Variants in R3HDM2 observed in about 807,000 individuals in gnomAD.
R3HDM2 encodes the protein R3H domain-containing protein 2.
Under a neutral mutation model 124.5 loss-of-function variants are expected in R3HDM2, and 38 were observed. The ratio of observed to expected loss-of-function variants is 0.31; its 90% CI spans 0.24 to 0.40. The LOEUF is 0.40. R3HDM2 is among the 10% of genes least tolerant of loss of function. The pLI is 1.00. For synonymous variants in R3HDM2, 391 were observed against 448.0 expected (o/e 0.87, Z 1.61); for missense variants, 869 against 1,236.9 (o/e 0.70, Z 4.46).
At chr12:57,427,036 C>T (rs1031324733) in intron 1 of R3HDM2, among the ~76,000 whole-genome samples, 3 of 152,144 alleles carry the variant, frequency 2.0e-5, no homozygotes, top group African/African-American at 7.2e-5. Context: ...CTCACGCCTA[C>T]AATCCCAGCA....
intron 2 of R3HDM2, among the ~76,000 whole-genome samples, chr12:57,348,720 A>AAG (rs1228885034): frequency 2.4e-4 from 3 of 12,682 alleles, no homozygotes; most frequent in African/African-American, 5.7e-4. Flanking sequence ...AAAAAAAAAA[A>AAG]AGAGAGAGAA....
intron 2 of R3HDM2, among the ~76,000 whole-genome samples, chr12:57,315,340 C>A (rs115587937): frequency 0.018 from 2,679 of 152,164 alleles, 78 homozygotes; most frequent in African/African-American, 0.062. Context: ...TGCACCCAGC[C>A]TAATTTTTCT....
intron 2 of R3HDM2, among the ~76,000 whole-genome samples, chr12:57,368,565 A>G (rs561369995): frequency 1.3e-5 from 2 of 152,268 alleles, no homozygotes; most frequent in Non-Finnish European, 2.9e-5. Context: ...TTGGCCAATT[A>G]TATCTATGTG....
At chr12:57,300,036 A>T in intron 5 of R3HDM2, 59 bp downstream of exon 5, 1 of 1,277,292 alleles carries the variant, frequency 7.8e-7, no homozygotes, top group Non-Finnish European at 1.1e-6. Flanking sequence ...CTGCCATACT[A>T]CATCTTACCA....
At chr12:57,375,881 C>T (rs1249446591) in intron 2 of R3HDM2, among the ~76,000 whole-genome samples, 1 of 152,016 alleles carries the variant, frequency 6.6e-6, no homozygotes, top group Non-Finnish European at 1.5e-5. Context: ...ACTATGTTAG[C>T]CAGGATGGTC....
intron 2 of R3HDM2, among the ~76,000 whole-genome samples, chr12:57,333,669 A>C (rs2058485402): frequency 6.6e-6 from 1 of 151,972 alleles, no homozygotes; most frequent in East Asian, 1.9e-4. Flanking sequence ...CCTGGGTGAC[A>C]AGAGCGAAAC....
chr12:57,267,922 A>C (rs2042831300), intron 18 of R3HDM2, among the ~76,000 whole-genome samples: 1 of 152,260 alleles, frequency 6.6e-6, no homozygotes, highest in Non-Finnish European at 1.5e-5. Context: ...TAGATACAGA[A>C]ATAGACACAC....
chr12:57,324,393 G>A (rs2136379086), intron 2 of R3HDM2, among the ~76,000 whole-genome samples: 1 of 152,240 alleles, frequency 6.6e-6, no homozygotes, highest in Non-Finnish European at 1.5e-5. Flanking sequence ...ATGTTGGGCA[G>A]GCTGGTCTCG....
chr12:57,387,396 A>G (rs1030031531), intron 2 of R3HDM2, among the ~76,000 whole-genome samples: 4 of 152,082 alleles, frequency 2.6e-5, no homozygotes, highest in Admixed American at 6.6e-5. Flanking sequence ...AACAAACTCC[A>G]GACACACCGC....
rs1041004998 is a variant in R3HDM2, at chr12:57,254,887, G to C, written c.2859C>G (p.Pro953=). ...LYTIVAVFPS[P]LAAQNASLRL... is the part of the protein sequence containing the mutation. Reference sequence around the variant, plus strand: ...GAAGGGAGGCATTTTGGGCAGCCAGGGGGCTGGGGAACACAGCCACAATGG... The same window carrying C: ...GAAGGGAGGCATTTTGGGCAGCCAGCGGGCTGGGGAACACAGCCACAATGG... The change falls in exon 24 of 24, where the codon CCC becomes CCG. Residue 953 remains proline, a synonymous_variant. Transcript: ENST00000402412. The C allele has an allele frequency of 2.5e-6, 4 of 1,614,034 alleles. No individual in the cohort carries two copies. The African/African-American group carries it at 5.3e-5, about 22-fold the overall frequency.
At chr12:57,350,218 TAATAAAATAAA>T (rs1365839997) in intron 2 of R3HDM2, among the ~76,000 whole-genome samples, 2 of 151,478 alleles carry the variant, frequency 1.3e-5, no homozygotes, top group East Asian at 3.9e-4. Context: ...TCAAACAAAT[TAATAAAATAAA>T]AATAAAATAA....
At position 57,371,083 on chromosome 12, in the gene R3HDM2, C is replaced by CTTTTTTTTTTTTT. The variant is rs775839017; in HGVS notation, c.-36+24653_-36+24665dup. ...AATGGGAACCAAATATATACCATTA[C>CTTTTTTTTTTTTT]TTTTTTTTTTTTTTTTTTTTTTTTT... On this transcript the variant is annotated intron_variant, in intron 2 of 23. Coordinates refer to ENST00000402412, the MANE Select transcript of R3HDM2 (RefSeq NM_001394031.1). Among the ~76,000 whole-genome samples the CTTTTTTTTTTTTT allele has an allele frequency of 2.3e-3, 94 of 40,898 alleles. 23 individuals are homozygous for CTTTTTTTTTTTTT. Among genetic ancestry groups the CTTTTTTTTTTTTT allele is most frequent in the South Asian group, 3.3e-3 (2 of 606 alleles). The allele number at this position is 40,898 out of a possible 152,430, so 26.8% of individuals were successfully genotyped here.
rs575674531 is a variant in R3HDM2 at position 57,253,922 on chromosome 12, C to T, written c.*851G>A. 100 of 288,992 alleles carry T rather than the reference C, an allele frequency of 3.5e-4. 1 individual carries two copies. Among genetic ancestry groups the T allele is most frequent in the African/African-American group, 2.0e-3 (87 of 43,020 alleles). 17.9% of individuals were successfully genotyped at this position (288,992 alleles called of 1,614,324 possible). On this transcript the variant is annotated 3_prime_UTR_variant, in exon 24 of 24. Transcript: ENST00000402412. ...AAATACTGTGTCTGTTACTGCGGCA[C>T]GAACCTCAAACAAACAATATACAAG...
chr12:57,374,073 A>C (rs1021054295), intron 2 of R3HDM2, among the ~76,000 whole-genome samples: 3 of 152,066 alleles, frequency 2.0e-5, no homozygotes, highest in Non-Finnish European at 2.9e-5. Flanking sequence ...GGTTGCAGTG[A>C]GATGAGATCG....
intron 2 of R3HDM2, among the ~76,000 whole-genome samples, chr12:57,348,766 C>T (rs2060345044): frequency 1.3e-5 from 2 of 149,956 alleles, no homozygotes; most frequent in South Asian, 4.2e-4. Context: ...ACCTGTAGTC[C>T]CAGCTACTCA....
chr12:57,269,712 C>T (rs772128770), intron 15 of R3HDM2, 40 bp downstream of exon 15: 1 of 1,612,990 alleles, frequency 6.2e-7, no homozygotes, highest in Non-Finnish European at 8.5e-7. Context: ...ACTAGACAAA[C>T]TGAATTAAGT....
intron 2 of R3HDM2, among the ~76,000 whole-genome samples, chr12:57,377,331 T>C (rs1387481455): frequency 1.3e-5 from 2 of 152,030 alleles, no homozygotes; most frequent in Non-Finnish European, 2.9e-5. Context: ...TGAAATCAGT[T>C]GCAACCAATA....
intron 12 of R3HDM2, among the ~76,000 whole-genome samples, chr12:57,287,451 T>C (rs985843322): frequency 2.6e-5 from 4 of 152,146 alleles, no homozygotes; most frequent in African/African-American, 9.7e-5. Flanking sequence ...TGCCTGGGGT[T>C]TTCAGATGAA....
intron 1 of R3HDM2, among the ~76,000 whole-genome samples, chr12:57,412,598 G>A (rs1390979985): frequency 2.6e-5 from 4 of 152,118 alleles, no homozygotes; most frequent in African/African-American, 9.7e-5. Flanking sequence ...AAAGGTCTGG[G>A]TTGAGAAGAT....
Sources: gnomAD v4.1 joint callset for allele counts (sites outside exome capture counted in the v4.1 genomes callset) on GRCh38, gnomAD v4.1.1 for gene constraint, MANE v1.5 for transcripts, NCBI Gene and HGNC (gene_info 2026-07-23, HGNC 2026-07-21) for gene names.